Variants in SPAG16 observed in about 807,000 individuals in gnomAD.
The protein encoded by SPAG16 is sperm associated antigen 16, also known as sperm-associated antigen 16 protein.
Under a neutral mutation model 80.4 loss-of-function variants are expected in SPAG16, and 86 were observed. That is an observed-to-expected ratio of 1.07 (90% CI 0.90 to 1.28). The LOEUF (loss-of-function observed/expected upper bound fraction) is 1.28. Ranked by LOEUF, SPAG16 falls within the 50% of genes most tolerant of loss-of-function variation. The pLI is 0.00. For missense variants in SPAG16, 870 were observed against 765.3 expected (o/e 1.14, Z -1.61); for synonymous variants, 294 against 265.9 (o/e 1.11, Z -1.03).
At chr2:213,794,937 A>G (rs775400190) in intron 10 of SPAG16, among the ~76,000 whole-genome samples, 1 of 152,170 alleles carries the variant, frequency 6.6e-6, no homozygotes, top group Non-Finnish European at 1.5e-5. Flanking sequence ...ATTTATTTAA[A>G]TTTGGCTTTA....
intron 12 of SPAG16, among the ~76,000 whole-genome samples, chr2:213,964,919 G>A (rs2044631904): frequency 6.6e-6 from 1 of 152,064 alleles, no homozygotes; most frequent in African/African-American, 2.4e-5. Context: ...GTGTGACTTT[G>A]TTTAGTTTTT....
intron 10 of SPAG16, among the ~76,000 whole-genome samples, chr2:213,783,060 A>G (rs1216411073): frequency 1.3e-5 from 1 of 78,572 alleles, no homozygotes; most frequent in Non-Finnish European, 2.5e-5. Context: ...CCCCGACCCC[A>G]CCACAGTCCC....
At chr2:213,646,138 C>T (rs538041845) in intron 10 of SPAG16, among the ~76,000 whole-genome samples, 2 of 152,308 alleles carry the variant, frequency 1.3e-5, no homozygotes, top group East Asian at 3.9e-4. Context: ...GGAGGGGTGG[C>T]ATCATGATTC....
chr2:213,827,422 T>C (rs184632913), intron 10 of SPAG16, among the ~76,000 whole-genome samples: 1 of 152,100 alleles, frequency 6.6e-6, no homozygotes, highest in Non-Finnish European at 1.5e-5. Context: ...AACTTGACAC[T>C]CTTTGCATAA....
chr2:214,162,786 C>T (rs554067004), intron 15 of SPAG16, among the ~76,000 whole-genome samples: 6 of 152,104 alleles, frequency 3.9e-5, no homozygotes, highest in African/African-American at 1.4e-4. Flanking sequence ...AAAAAGTATC[C>T]ATTGAGTTTT....
At chr2:213,416,536 TACTTG>T (rs1301626961) in intron 9 of SPAG16, among the ~76,000 whole-genome samples, 1 of 149,118 alleles carries the variant, frequency 6.7e-6, no homozygotes, top group Non-Finnish European at 1.5e-5. Flanking sequence ...TAGGCAGCAT[TACTTG>T]ACTTGTTTTT....
At chr2:213,546,142 A>T (rs1158790056) in intron 10 of SPAG16, among the ~76,000 whole-genome samples, 1 of 152,098 alleles carries the variant, frequency 6.6e-6, no homozygotes, top group African/African-American at 2.4e-5. Context: ...CTGCTTCTTA[A>T]ACAGACTAGT....
intron 10 of SPAG16, among the ~76,000 whole-genome samples, chr2:213,702,342 A>G (rs1047561886): frequency 3.3e-5 from 5 of 152,218 alleles, no homozygotes; most frequent in African/African-American, 9.6e-5. Flanking sequence ...ATGCTGTGGA[A>G]GGTTTGTTCT....
chr2:214,132,867 C>T (rs1466035157), intron 14 of SPAG16, among the ~76,000 whole-genome samples: 13 of 151,958 alleles, frequency 8.6e-5, no homozygotes, highest in South Asian at 2.1e-4. Context: ...CCTAGGCGGG[C>T]GGATCACCTG....
intron 15 of SPAG16, among the ~76,000 whole-genome samples, chr2:214,180,803 C>T (rs573178156): frequency 1.4e-4 from 21 of 151,668 alleles, no homozygotes; most frequent in East Asian, 3.9e-4. Context: ...AGAATATTTT[C>T]GGAATAATTA....
intron 15 of SPAG16, among the ~76,000 whole-genome samples, chr2:214,232,015 T>C (rs1383233813): frequency 6.6e-6 from 1 of 151,952 alleles, no homozygotes; most frequent in Non-Finnish European, 1.5e-5. Context: ...AGTGGATATG[T>C]TTTTAAAAGT....
chr2:213,818,126 G>C (rs2072679890), intron 10 of SPAG16, among the ~76,000 whole-genome samples: 1 of 152,116 alleles, frequency 6.6e-6, no homozygotes, highest in Non-Finnish European at 1.5e-5. Flanking sequence ...GAGAAATGCA[G>C]TCCTTTAAAG....
intron 13 of SPAG16, among the ~76,000 whole-genome samples, chr2:214,055,947 G>A (rs2049916966): frequency 6.6e-6 from 1 of 152,050 alleles, no homozygotes; most frequent in Non-Finnish European, 1.5e-5. Flanking sequence ...ATGAAGTGAA[G>A]CACTATTGCT....
intron 10 of SPAG16, among the ~76,000 whole-genome samples, chr2:213,683,442 T>C (rs541049834): frequency 6.6e-6 from 1 of 152,162 alleles, no homozygotes; most frequent in South Asian, 2.1e-4. Flanking sequence ...TCCCAGCTTC[T>C]CAAGAGGCTG....
chr2:213,533,855 T>C (rs2076154281), intron 10 of SPAG16, among the ~76,000 whole-genome samples: 1 of 152,168 alleles, frequency 6.6e-6, no homozygotes, highest in Non-Finnish European at 1.5e-5. Flanking sequence ...GATATTAACT[T>C]AATGCTAGAA....
intron 9 of SPAG16, among the ~76,000 whole-genome samples, chr2:213,439,696 C>T (rs2070827128): frequency 6.6e-6 from 1 of 152,158 alleles, no homozygotes; most frequent in African/African-American, 2.4e-5. Context: ...TCCTAAGCCT[C>T]TCCAGATGAT....
intron 10 of SPAG16, among the ~76,000 whole-genome samples, chr2:213,493,311 T>G (rs1182506049): frequency 2.0e-5 from 3 of 152,244 alleles, no homozygotes; most frequent in African/African-American, 7.2e-5. Flanking sequence ...TCAAAATGTG[T>G]TTTTATAATG....
intron 10 of SPAG16, among the ~76,000 whole-genome samples, chr2:213,826,171 G>T (rs1429925285): frequency 6.6e-6 from 1 of 151,342 alleles, no homozygotes; most frequent in Non-Finnish European, 1.5e-5. Context: ...TTTAAAGTTT[G>T]TTAACTTCGT....
chr2:213,579,478 T>C (rs919516722), intron 10 of SPAG16, among the ~76,000 whole-genome samples: 18 of 152,284 alleles, frequency 1.2e-4, no homozygotes, highest in African/African-American at 4.3e-4. Context: ...TACCTAATAA[T>C]TGACAATTCT....
Sources: allele counts gnomAD v4.1 joint callset (sites outside exome capture counted in the v4.1 genomes callset), GRCh38; gene constraint gnomAD v4.1.1; transcripts MANE v1.5; gene names NCBI Gene and HGNC (gene_info 2026-07-23, HGNC 2026-07-21).